LMO3: variants seen among roughly 807,000 people sequenced by gnomAD.
LMO3 encodes the protein LIM domain only 3.
Under a neutral mutation model 15.8 loss-of-function variants are expected in LMO3, and 2 were observed. The ratio of observed to expected loss-of-function variants is 0.13; its 90% CI spans 0.05 to 0.40. LMO3 has a LOEUF of 0.40. LMO3 is among the 10% of genes least tolerant of loss of function. The pLI, the probability that LMO3 is intolerant of heterozygous loss-of-function variation, is 0.99. For synonymous variants in LMO3, 62 were observed against 63.8 expected, an observed-to-expected ratio of 0.97 and a Z score of 0.13; for missense variants, 86 against 182.2, an observed-to-expected ratio of 0.47 and a Z score of 3.04.
rs761974230 is a variant in LMO3 at position 16,560,487 on chromosome 12, G to A, written c.258C>T (p.Ala86=). Residue 86 remains alanine, a synonymous_variant, in exon 3 of 4, where the codon GCC becomes GCT. Coordinates refer to ENST00000537304, the MANE Select transcript of LMO3 (RefSeq NM_018640.5). The surrounding 1 kb of genome is among the most constrained non-coding windows in gnomAD (Gnocchi z 5.0). ...NCAACSKLIP[A]FEMVMRAKDN... is the part of the protein sequence containing the mutation. The stretch of plus-strand genomic sequence containing the variant: ...CCTTGGCACGCATCACCATCTCAAA[G>A]GCAGGGATGAGCTTACTACAGGCAG... 2.1e-5 allele frequency: 34 copies of A among 1,613,804 alleles called. No homozygotes were observed. The highest frequency in any genetic ancestry group is 3.4e-6 in the Non-Finnish European group (4 of 1,179,918).
chr12:16,595,282 AATAATT>A (rs1003199440), intron 2 of LMO3, among the ~76,000 whole-genome samples: 2 of 151,534 alleles, frequency 1.3e-5, no homozygotes, highest in African/African-American at 4.8e-5. Context: ...ACAAAAGTAA[AATAATT>A]ATATTATTGG....
At chr12:16,553,130 A>T (rs1240941698) in intron 3 of LMO3, among the ~76,000 whole-genome samples, 1 of 152,172 alleles carries the variant, frequency 6.6e-6, no homozygotes, top group Admixed American at 6.5e-5. Context: ...ATGTATGTAC[A>T]TGATCACATT....
chr12:16,568,571 A>G (rs901968097), intron 2 of LMO3, among the ~76,000 whole-genome samples: 1 of 152,218 alleles, frequency 6.6e-6, no homozygotes, highest in Non-Finnish European at 1.5e-5. Context: ...GGGCATATGT[A>G]CCAGATTCCA....
intron 2 of LMO3, among the ~76,000 whole-genome samples, chr12:16,564,710 C>T (rs1005749313): frequency 6.6e-6 from 1 of 152,200 alleles, no homozygotes; most frequent in East Asian, 1.9e-4. Flanking sequence ...AAATATGTCA[C>T]TGCAGTAAAC....
At chr12:16,595,372 T>G (rs2079592660) in intron 2 of LMO3, among the ~76,000 whole-genome samples, 1 of 151,466 alleles carries the variant, frequency 6.6e-6, no homozygotes, top group African/African-American at 2.4e-5. Context: ...AATTTACCAA[T>G]GAGAAGAAAT....
chr12:16,581,028 A>T (rs1178094969), intron 2 of LMO3, among the ~76,000 whole-genome samples: 1 of 152,194 alleles, frequency 6.6e-6, no homozygotes, highest in East Asian at 1.9e-4. Context: ...GCAGCCACTA[A>T]CAAATTTTTT....
chr12:16,605,480 C>T, intron 1 of LMO3: 1 of 476,738 alleles, frequency 2.1e-6, no homozygotes, highest in Non-Finnish European at 2.7e-6. Context: ...CACTTTTCCA[C>T]GGCAAAGGAA....
At chr12:16,568,444 G>A (rs1278625627) in intron 2 of LMO3, among the ~76,000 whole-genome samples, 1 of 152,066 alleles carries the variant, frequency 6.6e-6, no homozygotes, top group Admixed American at 6.6e-5. Context: ...CATAATCCAA[G>A]CTAAGTACCC....
At chr12:16,558,061 A>G in intron 3 of LMO3, among the ~76,000 whole-genome samples, 1 of 152,120 alleles carries the variant, frequency 6.6e-6, no homozygotes. Flanking sequence ...AAAGCTTAAA[A>G]TATCTTAAAA....
At chr12:16,570,788 C>T (rs1365635302) in intron 2 of LMO3, among the ~76,000 whole-genome samples, 3 of 152,080 alleles carry the variant, frequency 2.0e-5, no homozygotes, top group Admixed American at 2.0e-4. Context: ...TGATTATTCA[C>T]AAAAAGTTAT....
Position 16,551,223 on chromosome 12 carries a change from C to T in LMO3, c.437G>A (p.Ter146=), listed in dbSNP as rs1328089400. The part of the protein sequence containing the change: ...MKEGYAPQVR[*] ...TCTTAATGGGGTGATGTTGATAGAT[C>T]AGCGAACCTGGGGTGCATAACCTTC... Residue 146 remains the stop codon, a stop_retained_variant, in exon 4 of 4, where the codon TGA becomes TAA. Coordinates refer to ENST00000537304, the MANE Select transcript of LMO3 (RefSeq NM_018640.5). The T allele has an allele frequency of 5.7e-6, 9 of 1,580,282 alleles. No homozygotes were observed. The highest frequency in any genetic ancestry group is 7.8e-6 in the Non-Finnish European group (9 of 1,149,246).
intron 2 of LMO3, among the ~76,000 whole-genome samples, chr12:16,575,145 CATT>C (rs1042701698): frequency 6.6e-6 from 1 of 152,142 alleles, no homozygotes; most frequent in African/African-American, 2.4e-5. Flanking sequence ...CTAAACTTAA[CATT>C]ATGATGTCCG....
chr12:16,568,826 A>G (rs1002751806), intron 2 of LMO3, among the ~76,000 whole-genome samples: 15 of 152,202 alleles, frequency 9.9e-5, no homozygotes, highest in Admixed American at 9.8e-4. Context: ...CCCTGGATAT[A>G]TGACAGTTAT....
intron 2 of LMO3, among the ~76,000 whole-genome samples, chr12:16,572,265 A>G (rs574293511): frequency 6.6e-6 from 1 of 150,412 alleles, no homozygotes; most frequent in East Asian, 2.0e-4. Context: ...AAACCTGTAG[A>G]TTACATATTT....
In LMO3 at chr12:16,589,753, G is replaced by A. The variant is rs562073612; in HGVS notation, c.206+10902C>T. Among the ~76,000 whole-genome samples the A allele has an allele frequency of 3.3e-5, 5 of 152,174 alleles. No homozygotes were observed. The South Asian group carries it at 8.3e-4, about 25-fold the overall frequency. On this transcript the variant is annotated intron_variant, in intron 2 of 3. Coordinates refer to ENST00000537304, the MANE Select transcript of LMO3 (RefSeq NM_018640.5). This position sits in a 1 kb window ranked among gnomAD's most constrained non-coding sequence, Gnocchi z 4.2. ...TGCCTTGGAAGACGAGGATCACCAA[G>A]TGATTAGGAATATAGGTTCCTCAAC...
rs1332054240 is a variant in LMO3 at position 16,585,740 on chromosome 12, T to C, written c.206+14915A>G. Among the ~76,000 whole-genome samples the C allele has an allele frequency of 6.6e-6, 1 of 152,152 alleles. No homozygotes were observed. The highest frequency in any genetic ancestry group is 1.9e-4 in the East Asian group (1 of 5,190). Reference sequence around the variant, plus strand: ...ATAATAATAGAAAGGAAAATATGGGTGAGAAATTACAAAAGGCTGGAGAAT... The same window carrying C: ...ATAATAATAGAAAGGAAAATATGGGCGAGAAATTACAAAAGGCTGGAGAAT... On this transcript the variant is annotated intron_variant, in intron 2 of 3. Coordinates refer to ENST00000537304, the MANE Select transcript of LMO3 (RefSeq NM_018640.5). This position sits in a 1 kb window ranked among gnomAD's most constrained non-coding sequence, Gnocchi z 4.7.
At position 16,560,086 on chromosome 12, in the gene LMO3, A is replaced by G. The variant is rs1484916400; in HGVS notation, c.332+327T>C. On this transcript the variant is annotated intron_variant, in intron 3 of 3. Transcript: ENST00000537304. The surrounding 1 kb of genome is among the most constrained non-coding windows in gnomAD (Gnocchi z 5.0). ...TGCCAATTTATTTACTCACATAAGT[A>G]GTATAAAAAAGTAGATATTTAAAAC... Among the ~76,000 whole-genome samples the G allele has an allele frequency of 2.0e-5, 3 of 152,230 alleles. No homozygotes were observed. Among genetic ancestry groups the G allele is most frequent in the Non-Finnish European group, 4.4e-5 (3 of 68,038 alleles).
intron 3 of LMO3, among the ~76,000 whole-genome samples, chr12:16,552,889 GAA>G (rs1942043893): frequency 6.6e-6 from 1 of 152,074 alleles, no homozygotes. Flanking sequence ...CTTATCAAAT[GAA>G]AAGTGTCTGA....
rs1170092319 is a variant in LMO3 at position 16,586,571 on chromosome 12, G to A, written c.206+14084C>T. Among the ~76,000 whole-genome samples, 1 of 152,178 alleles carries A rather than the reference G, an allele frequency of 6.6e-6. No homozygotes were observed. Among genetic ancestry groups the A allele is most frequent in the Non-Finnish European group, 1.5e-5 (1 of 68,028 alleles). On this transcript the variant is annotated intron_variant, in intron 2 of 3. Coordinates refer to ENST00000537304, the MANE Select transcript of LMO3 (RefSeq NM_018640.5). This position sits in a 1 kb window ranked among gnomAD's most constrained non-coding sequence, Gnocchi z 4.3. ...GCCAACTGAATTCTGGAGGACATAT[G>A]CAAAGACACTGCATTTCATCTTTGG...
Sources: allele counts gnomAD v4.1 joint callset (sites outside exome capture counted in the v4.1 genomes callset), GRCh38; gene constraint gnomAD v4.1.1; non-coding constraint Gnocchi (gnomAD v3.1); transcripts MANE v1.5; gene names NCBI Gene and HGNC (gene_info 2026-07-23, HGNC 2026-07-21).